The following MROH1 variants were observed in gnomAD, a reference collection of about 807,000 sequenced individuals.
MROH1 encodes the protein maestro heat-like repeat-containing protein family member 1.
A neutral mutation model predicts 116.5 loss-of-function variants in MROH1; 117 were observed. The observed-to-expected ratio is 1.00, with a 90% CI of 0.86 to 1.17. MROH1 has a LOEUF of 1.17. MROH1 is among the 50% of genes most tolerant of loss of function. The probability of loss-of-function intolerance (pLI) is 0.00; values close to 1 mark genes in which losing one functional copy is unlikely to be tolerated. For missense variants in MROH1, 1,873 were observed against 1,338.5 expected, an observed-to-expected ratio of 1.40 and a Z score of -6.23; for synonymous variants, 921 against 583.9, an observed-to-expected ratio of 1.58 and a Z score of -8.32.
intron 12 of MROH1, among the ~76,000 whole-genome samples, chr8:144,204,333 A>G (rs2131947569): frequency 6.6e-6 from 1 of 152,234 alleles, no homozygotes; most frequent in East Asian, 2.0e-4. Context: ...GCTGGTCTCA[A>G]ACTCCTGGGT....
At chr8:144,236,954 G>A (rs1840143512) in intron 14 of MROH1, among the ~76,000 whole-genome samples, 2 of 120,224 alleles carry the variant, frequency 1.7e-5, no homozygotes, top group African/African-American at 6.6e-5. Flanking sequence ...CGCCCAGGCT[G>A]GAGTGCAGTG....
chr8:144,223,042 T>A, intron 13 of MROH1, 66 bp from the exon 14 acceptor site: 1 of 1,601,362 alleles, frequency 6.2e-7, no homozygotes, highest in Non-Finnish European at 8.5e-7. Flanking sequence ...GGTTCCTCTC[T>A]GCTGGCTGGA....
intron 14 of MROH1, among the ~76,000 whole-genome samples, chr8:144,232,739 C>T (rs1364032755): frequency 2.0e-5 from 3 of 151,944 alleles, no homozygotes; most frequent in African/African-American, 7.3e-5. Flanking sequence ...GTGATCTGCC[C>T]ACCTCGGCCT....
intron 18 of MROH1, among the ~76,000 whole-genome samples, 154 bp from the exon 19 acceptor site, chr8:144,239,947 G>T (rs1840685626): frequency 6.6e-6 from 1 of 152,124 alleles, no homozygotes; most frequent in Admixed American, 6.5e-5. Flanking sequence ...GGCTTGAAAG[G>T]CACTCCCGCT....
At chr8:144,197,811 C>T (rs1170520405) in intron 10 of MROH1, among the ~76,000 whole-genome samples, 3 of 149,794 alleles carry the variant, frequency 2.0e-5, no homozygotes, top group Admixed American at 6.6e-5. Context: ...CGGTGACTCA[C>T]GCCTGTAATC....
In MROH1 at chr8:144,244,372, G is replaced by A. The variant is rs1207752020; in HGVS notation, c.2670+36G>A. On this transcript the variant is annotated intron_variant, in intron 27 of 43. Transcript: ENST00000326134. ...GTTTCCCTTGCCTGTGTCCACATCC[G>A]TGAGAGTGGTGGGAGGCCACTGTAG... 3.7e-5 allele frequency: 27 copies of A among 722,310 alleles called. No individual in the cohort carries two copies. The Admixed American group carries it at 4.0e-4, about 11-fold the overall frequency. The allele number at this position is 722,310 out of a possible 1,614,324, so 44.7% of individuals were successfully genotyped here.
chr8:144,186,831 G>A (rs1434791172), intron 7 of MROH1, among the ~76,000 whole-genome samples: 4 of 152,230 alleles, frequency 2.6e-5, no homozygotes, highest in Non-Finnish European at 5.9e-5. Context: ...GGTGGCTCAC[G>A]CCTATAATCC....
At position 144,239,087 on chromosome 8, in the gene MROH1, C is replaced by T. The variant is rs1840523488; in HGVS notation, c.1499C>T (p.Ala500Val). The T allele has an allele frequency of 2.6e-6, 2 of 777,166 alleles. No individual in the cohort carries two copies. The highest frequency in any genetic ancestry group is 1.7e-5 in the Admixed American group (1 of 59,032). The allele number at this position is 777,166 out of a possible 1,614,324, so 48.1% of individuals were successfully genotyped here. A position where few individuals can be genotyped will look rare whatever the true frequency, so the allele number is the denominator to read the frequency against. ...QFLTPVRFTG[A>V]LTPLCRSLVH... ...CTCACCCCTGTGCGCTTCACTGGGG[C>T]CCTGACTCCGCTCTGCAGGAGCCTC... The change falls in exon 16 of 44, where the codon GCC becomes GTC. Residue 500 changes from alanine (A) to valine (V), a missense_variant. Transcript: ENST00000326134.
Position 144,248,945 on chromosome 8 carries a change from A to G in MROH1, c.3189A>G (p.Gly1063=). The G allele has an allele frequency of 1.3e-6, 1 of 765,686 alleles. No individual in the cohort carries two copies. The highest frequency in any genetic ancestry group is 2.4e-6 in the Non-Finnish European group (1 of 410,806). The allele number at this position is 765,686 out of a possible 1,614,324, so 47.4% of individuals were successfully genotyped here. The change falls in exon 32 of 44, where the codon GGA becomes GGG. Residue 1063 remains glycine (G), a synonymous_variant. Transcript: ENST00000326134. ...TGCTAACCATGTTTGAGGCCCTGGG[A>G]GACCCCGAAAAGAACTGCTCCCGAG... ...SLLLTMFEAL[G]DPEKNCSRAA...
chr8:144,213,226 CTCT>C, intron 12 of MROH1: 1 of 644,670 alleles, frequency 1.6e-6, no homozygotes, highest in South Asian at 1.8e-5. Flanking sequence ...CTGTTCATGG[CTCT>C]CTGCCACTCT....
chr8:144,177,093 GC>G (rs1189053514), intron 4 of MROH1, among the ~76,000 whole-genome samples: 1 of 152,230 alleles, frequency 6.6e-6, no homozygotes, highest in Non-Finnish European at 1.5e-5. Context: ...CCGTGCTGAG[GC>G]TTGTGACCTA....
chr8:144,211,490 C>T (rs147435358), intron 12 of MROH1, among the ~76,000 whole-genome samples: 10,249 of 152,050 alleles, frequency 0.067, 476 homozygotes, highest in Non-Finnish European at 0.1. Context: ...CTTTGGGAGG[C>T]GGAGGCAGGT....
chr8:144,260,300 C>T lies in MROH1; in HGVS notation c.4306C>T (p.His1436Tyr). 2 of 754,830 alleles carry T rather than the reference C, an allele frequency of 2.6e-6. No individual in the cohort carries two copies. Among genetic ancestry groups the T allele is most frequent in the South Asian group, 2.8e-5 (2 of 72,028 alleles). 46.8% of individuals were successfully genotyped at this position (754,830 alleles called of 1,614,324 possible). ...CATGCTGGGCCTTGCGAGGCTGGTG[C>T]ACCTGGTGGAGTCCTGGGACCTGCG... Reference protein sequence around the residue: ...EAMLGLARLVHLVESWDLRSG... With the variant: ...EAMLGLARLVYLVESWDLRSG... Residue 1436 changes from histidine to tyrosine, a missense_variant, in exon 39 of 44, where the codon CAC becomes TAC. By Grantham distance (83) the His-to-Tyr change is moderately conservative. Coordinates refer to ENST00000326134, the MANE Select transcript of MROH1 (RefSeq NM_032450.3).
intron 12 of MROH1, among the ~76,000 whole-genome samples, chr8:144,213,714 G>A (rs555277468): frequency 1.1e-4 from 16 of 152,234 alleles, no homozygotes; most frequent in East Asian, 5.8e-4. Flanking sequence ...ACTTGAGCCT[G>A]GGAAGCAGAG....
chr8:144,256,682 T>C (rs1843886205), intron 35 of MROH1, among the ~76,000 whole-genome samples: 1 of 152,214 alleles, frequency 6.6e-6, no homozygotes, highest in Non-Finnish European at 1.5e-5. Flanking sequence ...ACTGGGACGA[T>C]TGCAGAGCCT....
At chr8:144,191,984 C>T in intron 9 of MROH1, 129 bp downstream of exon 9, 2 of 1,094,442 alleles carry the variant, frequency 1.8e-6, no homozygotes, top group Non-Finnish European at 2.6e-6. Flanking sequence ...TGCTAAGGCT[C>T]AGTGGTGGGC....
At chr8:144,259,388 AG>A in intron 37 of MROH1, 34 bp downstream of exon 37, 1 of 714,560 alleles carries the variant, frequency 1.4e-6, no homozygotes, top group Non-Finnish European at 2.6e-6. Context: ...CTGGGCACCA[AG>A]GTGGGGCTCC....
intron 14 of MROH1, among the ~76,000 whole-genome samples, chr8:144,234,541 G>T (rs1839688411): frequency 9.3e-5 from 3 of 32,152 alleles, no homozygotes; most frequent in East Asian, 1.5e-3. Flanking sequence ...TTTTCAAAAA[G>T]AGTCTTGCTC....
chr8:144,203,266 GGA>G (rs1832014610), intron 12 of MROH1, among the ~76,000 whole-genome samples: 1 of 83,918 alleles, frequency 1.2e-5, no homozygotes, highest in African/African-American at 4.5e-5. Context: ...GCGGGGGGGG[GGA>G]GCGCCCGCTG....
Sources: allele counts gnomAD v4.1 joint callset (sites outside exome capture counted in the v4.1 genomes callset), GRCh38; gene constraint gnomAD v4.1.1; transcripts MANE v1.5; gene names NCBI Gene and HGNC (gene_info 2026-07-23, HGNC 2026-07-21).